Variants in PRSS23 observed in about 807,000 individuals in gnomAD.
PRSS23 encodes serine protease 23, also known as protease, serine 23.
A neutral mutation model predicts 34.7 loss-of-function variants in PRSS23; 25 were observed. The observed-to-expected ratio is 0.72, with a 90% CI of 0.53 to 1.01. The LOEUF (loss-of-function observed/expected upper bound fraction) is 1.01. Among genes scored for constraint, PRSS23 ranks in the 50% least tolerant of loss-of-function variants. The pLI is 0.00. For missense variants in PRSS23, 445 were observed against 475.6 expected (o/e 0.94, Z 0.60); for synonymous variants, 176 against 186.6 (o/e 0.94, Z 0.46).
intron 2 of PRSS23, among the ~76,000 whole-genome samples, chr11:86,894,102 C>T (rs1948859382): frequency 6.6e-6 from 1 of 152,204 alleles, no homozygotes; most frequent in Admixed American, 6.5e-5. Flanking sequence ...CAACCTCCGC[C>T]TCCTGGATTC....
chr11:86,834,403 G>A (rs961156428), intron 2 of PRSS23, among the ~76,000 whole-genome samples: 30 of 152,116 alleles, frequency 2.0e-4, no homozygotes, highest in Admixed American at 9.2e-4. Context: ...TGGTTTTCCC[G>A]AGGGGATTAC....
At position 86,808,194 on chromosome 11, in the gene PRSS23, T is replaced by C; in HGVS notation, c.551T>C (p.Val184Ala). 1.2e-6 allele frequency: 2 copies of C among 1,614,018 alleles called. No homozygotes were observed. Among genetic ancestry groups the C allele is most frequent in the Non-Finnish European group, 1.7e-6 (2 of 1,180,008 alleles). ...AHCIHDGKTY[V>A]KGTQKLRVGF... ...TGCATACACGATGGAAAAACCTATGTGAAAGGAACCCAGAAGCTTCGAGTG... is the reference window on the plus strand; with the variant it reads ...TGCATACACGATGGAAAAACCTATGCGAAAGGAACCCAGAAGCTTCGAGTG... The change falls in exon 2 of 2, where the codon GTG becomes GCG. Residue 184 changes from valine to alanine, a missense_variant. Transcript: ENST00000280258.
chr11:86,889,724 C>T (rs1239037673), intron 2 of PRSS23, among the ~76,000 whole-genome samples: 2 of 152,192 alleles, frequency 1.3e-5, no homozygotes, highest in East Asian at 3.9e-4. Context: ...GTGCCTAGAA[C>T]TCTGGGGGAA....
chr11:86,936,616 G>GAGTT (rs983609241), intron 2 of PRSS23: 1 of 152,040 alleles, frequency 6.6e-6, no homozygotes, highest in African/African-American at 2.4e-5. Flanking sequence ...CTTGCTGAAA[G>GAGTT]AGTTTTGCTC....
At chr11:86,800,354 C>T (rs1948015423), upstream of PRSS23, 1 of 758,588 alleles carries the variant, frequency 1.3e-6, no homozygotes, top group Admixed American at 6.2e-5. Flanking sequence ...CGCTCGGCCT[C>T]AGGCCCTCTG....
At chr11:86,880,611 T>C (rs10751142) in intron 2 of PRSS23, among the ~76,000 whole-genome samples, 103,080 of 151,890 alleles carry the variant, frequency 0.68, 36,168 homozygotes, top group African/African-American at 0.86. Context: ...TTTCAAGCCC[T>C]GCATTAGGTA....
rs1045946158 is a variant in PRSS23, at chr11:86,822,028, C to T, written c.-11-1349C>T. On this transcript the variant is annotated intron_variant, in intron 1 of 2. Coordinates refer to the PRSS23 transcript ENST00000533902. ...GCAAAATAATATCTATAAAATGGGA[C>T]TAGTAATTTCTTCCTAGAGAGCTTG... 3.9e-5 allele frequency among the ~76,000 whole-genome samples: 6 copies of T among 152,216 alleles called. No homozygotes were observed. In the South Asian group the frequency reaches 1.0e-3, roughly 26 times the overall value.
At chr11:86,831,940 G>A (rs1291085416) in intron 2 of PRSS23, among the ~76,000 whole-genome samples, 1 of 151,868 alleles carries the variant, frequency 6.6e-6, no homozygotes, top group Non-Finnish European at 1.5e-5. Flanking sequence ...GTTCCAGTGT[G>A]TGTACACCCT....
At chr11:86,916,297 A>G (rs965663238) in intron 2 of PRSS23, among the ~76,000 whole-genome samples, 3 of 152,176 alleles carry the variant, frequency 2.0e-5, no homozygotes, top group Non-Finnish European at 4.4e-5. Flanking sequence ...AATTGCTTTT[A>G]TAAGAATATG....
exon 3 of PRSS23, chr11:86,952,269 C>T (rs1949300846): frequency 2.5e-6 from 4 of 1,614,092 alleles, no homozygotes; most frequent in Middle Eastern, 1.6e-4. Context: ...TCTTCATCAC[C>T]TGGCCCTTCC....
At chr11:86,826,049 G>C (rs1192834111) in intron 2 of PRSS23, among the ~76,000 whole-genome samples, 1 of 152,120 alleles carries the variant, frequency 6.6e-6, no homozygotes, top group Non-Finnish European at 1.5e-5. Context: ...GGATGGCATT[G>C]AATCTATAAA....
chr11:86,826,983 G>A lies in PRSS23; in HGVS notation c.206+3390G>A, dbSNP rs12287584. On this transcript the variant is annotated intron_variant, in intron 2 of 2. Coordinates refer to the PRSS23 transcript ENST00000533902. Reference sequence around the variant, plus strand: ...TTTGGTTGTGTCTCTGCCCAGCTTTGGTATCAGGATGATGCTGGCCTCATA... The same window carrying A: ...TTTGGTTGTGTCTCTGCCCAGCTTTAGTATCAGGATGATGCTGGCCTCATA... Among the ~76,000 whole-genome samples, 966 of 152,118 alleles carry A rather than the reference G, an allele frequency of 6.4e-3. 15 individuals are homozygous for A. Among genetic ancestry groups the A allele is most frequent in the African/African-American group, 0.022 (916 of 41,498 alleles).
intron 2 of PRSS23, chr11:86,833,004 GAA>G: frequency 1.4e-5 from 5 of 354,902 alleles, no homozygotes; most frequent in East Asian, 6.3e-5. Context: ...AAAAGACTGA[GAA>G]AAAAAAAAAC....
chr11:86,873,296 A>ATATATT (rs1565372587), intron 2 of PRSS23, among the ~76,000 whole-genome samples: 4 of 112,444 alleles, frequency 3.6e-5, no homozygotes, highest in African/African-American at 1.5e-4. Flanking sequence ...ATATATATAT[A>ATATATT]TTTTTTTTCT....
chr11:86,951,125 A>G (rs373872905), intron 2 of PRSS23: 18 of 1,612,910 alleles, frequency 1.1e-5, no homozygotes, highest in Non-Finnish European at 1.3e-5. Flanking sequence ...TGAAGAAAGC[A>G]TGGAGGCTGA....
chr11:86,935,390 G>A (rs1378502218), intron 2 of PRSS23: 1 of 106,768 alleles, frequency 9.4e-6, no homozygotes, highest in Non-Finnish European at 2.2e-5. Flanking sequence ...TAAGAGAAAA[G>A]TGCTGTGGAC....
chr11:86,873,005 A>G (rs1400291661), intron 2 of PRSS23, among the ~76,000 whole-genome samples: 1 of 151,988 alleles, frequency 6.6e-6, no homozygotes, highest in Non-Finnish European at 1.5e-5. Flanking sequence ...GACTCAATCA[A>G]CTATTAATTA....
rs780500837 is a variant in PRSS23 at position 86,952,223 on chromosome 11, C to G, written c.*938C>G. ...GGTTCCCACAGAGTGACACTCTTCC[C>G]CAGGCTGGATGGGGGTTTTGTGAGG... is the stretch of plus-strand genomic sequence containing the variant. On this transcript the variant is annotated 3_prime_UTR_variant, in exon 3 of 3. Transcript: ENST00000533902. The G allele has an allele frequency of 6.2e-7, 1 of 1,614,094 alleles. No individual in the cohort carries two copies. The highest frequency in any genetic ancestry group is 2.2e-5 in the East Asian group (1 of 44,878).
At chr11:86,868,059 G>C (rs576467940) in intron 2 of PRSS23, among the ~76,000 whole-genome samples, 1 of 147,030 alleles carries the variant, frequency 6.8e-6, no homozygotes, top group East Asian at 2.0e-4. Context: ...CAAGCCAAAG[G>C]CCAAGGAGGA....
Sources: allele counts gnomAD v4.1 joint callset (sites outside exome capture counted in the v4.1 genomes callset), GRCh38; gene constraint gnomAD v4.1.1; transcripts MANE v1.5; gene names NCBI Gene and HGNC (gene_info 2026-07-23, HGNC 2026-07-21).